SDK1: variants seen among roughly 807,000 people sequenced by gnomAD.
The protein encoded by SDK1 is protein sidekick-1.
Under a neutral mutation model 245.5 loss-of-function variants are expected in SDK1, and 157 were observed. The observed-to-expected ratio is 0.64, with a 90% CI of 0.56 to 0.73. The LOEUF (loss-of-function observed/expected upper bound fraction) is 0.73, where lower values mean the gene tolerates loss of function less well. SDK1 is among the 30% of genes least tolerant of loss of function. The pLI, the probability that SDK1 is intolerant of heterozygous loss-of-function variation, is 0.00. For synonymous variants in SDK1, 1,647 were observed against 1,278.5 expected (o/e 1.29, Z -6.15); for missense variants, 3,583 against 3,002.3 (o/e 1.19, Z -4.52).
At chr7:3,702,400 G>C (rs142046929) in intron 4 of SDK1, among the ~76,000 whole-genome samples, 93 of 152,256 alleles carry the variant, frequency 6.1e-4, no homozygotes, top group African/African-American at 2.1e-3. Context: ...CTCACTTCTT[G>C]GAAGTGATGA....
At chr7:4,182,194 C>A (rs896503413) in intron 35 of SDK1, among the ~76,000 whole-genome samples, 8 of 152,290 alleles carry the variant, frequency 5.3e-5, no homozygotes, top group Admixed American at 5.2e-4. Context: ...GCCATTTAGG[C>A]TTTTATCCCC....
chr7:3,771,440 G>A (rs895339597), intron 4 of SDK1, among the ~76,000 whole-genome samples: 4 of 152,076 alleles, frequency 2.6e-5, no homozygotes, highest in Non-Finnish European at 4.4e-5. Flanking sequence ...ATAAAGAATC[G>A]AGGCCGTTTT....
intron 1 of SDK1, among the ~76,000 whole-genome samples, chr7:3,595,718 G>A (rs1357357029): frequency 6.8e-6 from 1 of 147,394 alleles, no homozygotes; most frequent in Non-Finnish European, 1.5e-5. Context: ...GTTAGACTTT[G>A]AACGAGTCTA....
chr7:3,655,289 C>T (rs946457890), intron 4 of SDK1, among the ~76,000 whole-genome samples: 12 of 150,694 alleles, frequency 8.0e-5, no homozygotes, highest in African/African-American at 2.9e-4. Flanking sequence ...CAAAATTAGC[C>T]AGACGTGGTG....
chr7:4,092,116 G>A (rs891400506), intron 22 of SDK1, among the ~76,000 whole-genome samples: 1 of 152,176 alleles, frequency 6.6e-6, no homozygotes, highest in South Asian at 2.1e-4. Context: ...AGTCTTTTAG[G>A]TCATGTTCTT....
intron 1 of SDK1, among the ~76,000 whole-genome samples, chr7:3,448,566 T>G (rs946940992): frequency 6.6e-6 from 1 of 152,182 alleles, no homozygotes; most frequent in African/African-American, 2.4e-5. Context: ...CTAAATTCTC[T>G]TATGAATGTT....
chr7:3,637,086 C>CCT (rs1782480817), intron 2 of SDK1, among the ~76,000 whole-genome samples: 1 of 148,278 alleles, frequency 6.7e-6, no homozygotes, highest in South Asian at 2.1e-4. Context: ...TGCGTGCGCG[C>CCT]GTGTGTGTGT....
chr7:4,229,813 A>C (rs1379429193), intron 40 of SDK1, among the ~76,000 whole-genome samples: 1 of 152,174 alleles, frequency 6.6e-6, no homozygotes, highest in African/African-American at 2.4e-5. Context: ...GGAAAAATAC[A>C]ATTCATTCAA....
At chr7:3,989,086 G>T (rs567512720) in intron 14 of SDK1, among the ~76,000 whole-genome samples, 1 of 152,176 alleles carries the variant, frequency 6.6e-6, no homozygotes, top group Non-Finnish European at 1.5e-5. Flanking sequence ...GTAAGCTGCC[G>T]GCCTCCCTCT....
At chr7:3,952,575 C>G (rs972357172) in intron 7 of SDK1, among the ~76,000 whole-genome samples, 4 of 150,408 alleles carry the variant, frequency 2.7e-5, no homozygotes, top group African/African-American at 1.0e-4. Context: ...AGGAGCAAAA[C>G]TCCAACTCAA....
intron 23 of SDK1, 78 bp from the exon 24 acceptor site, chr7:4,113,211 G>A: frequency 6.7e-7 from 1 of 1,485,568 alleles, no homozygotes; most frequent in Non-Finnish European, 9.2e-7. Context: ...TTGAGAAACA[G>A]TCAGCGCCTT....
At chr7:4,193,157 A>G (rs193127889) in intron 35 of SDK1, among the ~76,000 whole-genome samples, 5,379 of 130,178 alleles carry the variant, frequency 0.041, 154 homozygotes, top group Middle Eastern at 0.14. Context: ...TTTATATAAT[A>G]TATATTAAAA....
chr7:3,325,939 C>T (rs528014353), intron 1 of SDK1, among the ~76,000 whole-genome samples: 80 of 152,180 alleles, frequency 5.3e-4, no homozygotes, highest in Non-Finnish European at 9.4e-4. Flanking sequence ...AGAACCATCT[C>T]GCTTGGTTGT....
At chr7:3,801,797 T>C (rs1779113592) in intron 4 of SDK1, among the ~76,000 whole-genome samples, 1 of 152,184 alleles carries the variant, frequency 6.6e-6, no homozygotes, top group South Asian at 2.1e-4. Flanking sequence ...CTTGGAGCTC[T>C]CTTCTGGGTT....
At chr7:3,970,800 C>G (rs1438204196) in intron 11 of SDK1, among the ~76,000 whole-genome samples, 1 of 152,302 alleles carries the variant, frequency 6.6e-6, no homozygotes, top group Non-Finnish European at 1.5e-5. Flanking sequence ...TTTTTCTGGA[C>G]TCACCATTAG....
chr7:3,359,009 G>T (rs1187137736), intron 1 of SDK1, among the ~76,000 whole-genome samples: 1 of 152,130 alleles, frequency 6.6e-6, no homozygotes, highest in Non-Finnish European at 1.5e-5. Context: ...AGAACTCCGG[G>T]AGTTATGCTG....
At chr7:3,744,452 A>T (rs1375604258) in intron 4 of SDK1, among the ~76,000 whole-genome samples, 1 of 152,184 alleles carries the variant, frequency 6.6e-6, no homozygotes, top group Admixed American at 6.5e-5. Flanking sequence ...CAATGAATTC[A>T]TACAGTATAA....
At chr7:4,178,679 G>A in intron 35 of SDK1, 93 bp downstream of exon 35, 3 of 864,092 alleles carry the variant, frequency 3.5e-6, no homozygotes, top group Non-Finnish European at 5.7e-6. Context: ...CAGGTGTCCA[G>A]CAGCGTTCTT....
intron 4 of SDK1, among the ~76,000 whole-genome samples, chr7:3,697,413 G>A (rs994757623): frequency 6.6e-6 from 1 of 152,190 alleles, no homozygotes; most frequent in East Asian, 1.9e-4. Flanking sequence ...ATGGAATTGA[G>A]TGACGTTTAG....
Sources: allele counts gnomAD v4.1 joint callset (sites outside exome capture counted in the v4.1 genomes callset), GRCh38; gene constraint gnomAD v4.1.1; transcripts MANE v1.5; gene names NCBI Gene and HGNC (gene_info 2026-07-23, HGNC 2026-07-21).